Variants in PTPRN2 observed in about 807,000 individuals in gnomAD.
The protein encoded by PTPRN2 is receptor-type tyrosine-protein phosphatase N2.
In PTPRN2, 74 loss-of-function variants were observed where a neutral mutation model predicts 118.8. That is an observed-to-expected ratio of 0.62 (90% CI 0.52 to 0.76). PTPRN2 has a LOEUF of 0.76. Ranked by LOEUF, PTPRN2 falls within the 30% of genes least tolerant of loss-of-function variation. The pLI is 0.00. For missense variants in PTPRN2, 1,481 were observed against 1,394.4 expected, an observed-to-expected ratio of 1.06 and a Z score of -0.99; for synonymous variants, 641 against 608.0, an observed-to-expected ratio of 1.05 and a Z score of -0.80.
At chr7:158,522,611 C>G (rs1411491860) in intron 1 of PTPRN2, among the ~76,000 whole-genome samples, 1 of 152,232 alleles carries the variant, frequency 6.6e-6, no homozygotes, top group African/African-American at 2.4e-5. Context: ...TGACCAGATG[C>G]ACTTACAACA....
At chr7:158,177,255 A>AT (rs774375604) in intron 5 of PTPRN2, among the ~76,000 whole-genome samples, 82 of 151,670 alleles carry the variant, frequency 5.4e-4, no homozygotes, top group African/African-American at 8.7e-4. Flanking sequence ...GGTTTTATGG[A>AT]TTTTTTTTTA....
rs116611397 is a variant in PTPRN2 at position 158,324,899 on chromosome 7, A to G, written c.164-7967T>C. ...TAGGTGATACGCCCAGGCCTGCACTAAACGACATCCCGAGTGACACGTCCA... is the reference window on the plus strand; with the variant it reads ...TAGGTGATACGCCCAGGCCTGCACTGAACGACATCCCGAGTGACACGTCCA... On this transcript the variant is annotated intron_variant, in intron 2 of 22. Coordinates refer to ENST00000389418, the MANE Select transcript of PTPRN2 (RefSeq NM_002847.5). Among the ~76,000 whole-genome samples, 748 of 152,284 alleles carry G rather than the reference A, an allele frequency of 4.9e-3. 10 individuals carry two copies. The highest frequency in any genetic ancestry group is 0.017 in the African/African-American group (712 of 41,562).
intron 12 of PTPRN2, among the ~76,000 whole-genome samples, chr7:157,848,544 C>A (rs1040159757): frequency 1.3e-5 from 2 of 152,256 alleles, no homozygotes; most frequent in Non-Finnish European, 2.9e-5. Flanking sequence ...TCTCTCATTC[C>A]GTTTGATTTG....
chr7:158,549,494 G>A (rs987496547), intron 1 of PTPRN2, among the ~76,000 whole-genome samples: 1 of 152,248 alleles, frequency 6.6e-6, no homozygotes, highest in Non-Finnish European at 1.5e-5. Context: ...AGGGGCAGCC[G>A]TGAATAGGTA....
chr7:158,069,591 C>G (rs1811054754), intron 11 of PTPRN2, among the ~76,000 whole-genome samples: 1 of 151,956 alleles, frequency 6.6e-6, no homozygotes, highest in South Asian at 2.1e-4. Context: ...GCTGGGATGA[C>G]AGGCATGGCC....
rs1196287573 is a variant in PTPRN2, at chr7:157,576,664, C to A, written c.2732G>T (p.Trp911Leu). The stretch of plus-strand genomic sequence containing the variant: ...GGAGGAAGGGACTCCTCGGTCATAC[C>A]AACTCAGGAAGTGGAACTGCGTCAC... ...RTVTQFHFLS[W>L]YDRGVPSSSR... Residue 911 changes from tryptophan to leucine, a missense_variant, in exon 19 of 23, where the codon TGG (tryptophan) becomes TTG (leucine). This residue lies in a region of PTPRN2 where 362 missense variants were observed against 384.1 expected (regional missense o/e 0.94). Transcript: ENST00000389418. The A allele has an allele frequency of 6.2e-7, 1 of 1,612,774 alleles. No individual in the cohort carries two copies. The highest frequency in any genetic ancestry group is 1.1e-5 in the South Asian group (1 of 90,712).
chr7:158,149,349 C>T (rs73173625), intron 6 of PTPRN2, among the ~76,000 whole-genome samples: 15,157 of 152,020 alleles, frequency 0.1, 829 homozygotes, highest in African/African-American at 0.14. Flanking sequence ...AAATTAACAA[C>T]TACATTGACA....
In PTPRN2 at chr7:158,578,766, G is replaced by T. The variant is rs369041284; in HGVS notation, c.112+8792C>A. Among the ~76,000 whole-genome samples, 780 of 143,680 alleles carry T rather than the reference G, an allele frequency of 5.4e-3. 7 individuals are homozygous for T. Among genetic ancestry groups the T allele is most frequent in the African/African-American group, 0.017 (669 of 39,148 alleles). The allele number at this position is 143,680 out of a possible 152,430, so 94.3% of individuals were successfully genotyped here. On this transcript the variant is annotated intron_variant, in intron 1 of 22. Coordinates refer to ENST00000389418, the MANE Select transcript of PTPRN2 (RefSeq NM_002847.5). ...TCCTACTTCTTCTCTTTTTTTTTTTGTTGTTGTTGTTGTTGAGACAGAGTC... is the reference window on the plus strand; with the variant it reads ...TCCTACTTCTTCTCTTTTTTTTTTTTTTGTTGTTGTTGTTGAGACAGAGTC...
intron 12 of PTPRN2, among the ~76,000 whole-genome samples, chr7:157,697,773 G>A (rs1585258098): frequency 4.8e-5 from 6 of 124,470 alleles, no homozygotes; most frequent in African/African-American, 9.4e-5. Flanking sequence ...ACTGGATCTT[G>A]GCAGAGCCCT....
chr7:158,048,840 TCAC>T (rs960459417), intron 11 of PTPRN2, among the ~76,000 whole-genome samples: 11 of 9,794 alleles, frequency 1.1e-3, no homozygotes, highest in Non-Finnish European at 1.7e-3. Context: ...CACCATCGCA[TCAC>T]CACCATTACC....
At chr7:157,593,124 T>C (rs989865247) in intron 17 of PTPRN2, among the ~76,000 whole-genome samples, 1 of 147,784 alleles carries the variant, frequency 6.8e-6, no homozygotes, top group African/African-American at 2.5e-5. Flanking sequence ...ATGTGGCACC[T>C]GCTGAACTGA....
At chr7:157,697,670 C>T (rs1274688188) in intron 12 of PTPRN2, among the ~76,000 whole-genome samples, 6 of 147,914 alleles carry the variant, frequency 4.1e-5, no homozygotes, top group Admixed American at 6.7e-5. Context: ...GAGCCCTCAC[C>T]GTCTACCCAT....
rs148919577 is a variant in PTPRN2 at position 157,693,679 on chromosome 7, G to A, written c.1789-10742C>T. On this transcript the variant is annotated intron_variant, in intron 12 of 22. Transcript: ENST00000389418. ...GGGGAACCGCGCGTCGCCTCGGGGA[G>A]CTCCCGGCCAGGCCGGCTCCGGGCA... Among the ~76,000 whole-genome samples the A allele has an allele frequency of 3.2e-3, 481 of 152,224 alleles. 4 individuals carry two copies. The highest frequency in any genetic ancestry group is 0.011 in the African/African-American group (463 of 41,562).
At chr7:158,473,635 C>A (rs1370299530) in intron 2 of PTPRN2, among the ~76,000 whole-genome samples, 18 of 152,206 alleles carry the variant, frequency 1.2e-4, no homozygotes, top group Non-Finnish European at 1.5e-5. Context: ...ACACATTCCC[C>A]AAACATGGTG....
At chr7:157,963,595 T>C (rs1417435481) in intron 11 of PTPRN2, among the ~76,000 whole-genome samples, 2 of 152,222 alleles carry the variant, frequency 1.3e-5, no homozygotes, top group Admixed American at 6.5e-5. Flanking sequence ...ACATAAAGAA[T>C]TTCCATAATG....
rs769869125 is a variant in PTPRN2 at position 157,953,578 on chromosome 7, T to C, written c.1724-54841A>G. Among the ~76,000 whole-genome samples the C allele has an allele frequency of 3.3e-5, 5 of 152,148 alleles. No individual in the cohort carries two copies. Among genetic ancestry groups the C allele is most frequent in the African/African-American group, 4.8e-5 (2 of 41,442 alleles). Reference sequence around the variant, plus strand: ...TGGATCCACATGGCTGGAGGTCCGGTGTCCCTAAAGACTTCTATGACATCC... The same window carrying C: ...TGGATCCACATGGCTGGAGGTCCGGCGTCCCTAAAGACTTCTATGACATCC... On this transcript the variant is annotated intron_variant, in intron 11 of 22. Coordinates refer to ENST00000389418, the MANE Select transcript of PTPRN2 (RefSeq NM_002847.5). This position sits in a 1 kb window ranked among gnomAD's most constrained non-coding sequence, Gnocchi z 4.6.
intron 1 of PTPRN2, among the ~76,000 whole-genome samples, chr7:158,571,376 G>A (rs182006348): frequency 6.6e-6 from 1 of 151,660 alleles, no homozygotes; most frequent in East Asian, 1.9e-4. Context: ...TACTTGGGAC[G>A]CTGAGGCAGG....
At chr7:158,072,596 G>A (rs75431269) in intron 11 of PTPRN2, among the ~76,000 whole-genome samples, 21 of 152,226 alleles carry the variant, frequency 1.4e-4, no homozygotes, top group Middle Eastern at 3.4e-3. Flanking sequence ...GGCAGCTCTC[G>A]GACTTCACTG....
Position 158,461,604 on chromosome 7 carries a change from C to T in PTPRN2, c.163+28131G>A, listed in dbSNP as rs570881911. ...TCCAGTGTTTTCCAAAGCATAATTACGTACTTTTTCCAAAGCACTCAAATT... is the reference window on the plus strand; with the variant it reads ...TCCAGTGTTTTCCAAAGCATAATTATGTACTTTTTCCAAAGCACTCAAATT... On this transcript the variant is annotated intron_variant, in intron 2 of 22. Coordinates refer to ENST00000389418, the MANE Select transcript of PTPRN2 (RefSeq NM_002847.5). Among the ~76,000 whole-genome samples the T allele has an allele frequency of 5.5e-4, 84 of 152,164 alleles. 1 individual carries two copies. The South Asian group carries it at 0.016, about 29-fold the overall frequency.
Sources: gnomAD v4.1 joint callset for allele counts (sites outside exome capture counted in the v4.1 genomes callset) on GRCh38, gnomAD v4.1.1 for gene constraint, gnomAD v4.1.1 regional missense constraint, Gnocchi (gnomAD v3.1) non-coding constraint, MANE v1.5 for transcripts, NCBI Gene and HGNC (gene_info 2026-07-23, HGNC 2026-07-21) for gene names.